CHODL: variants seen among roughly 807,000 people sequenced by gnomAD.
The protein encoded by CHODL is transmembrane protein MT75.
Under a neutral mutation model 34.5 loss-of-function variants are expected in CHODL, and 29 were observed. That is an observed-to-expected ratio of 0.84 (90% confidence interval 0.63 to 1.15). The LOEUF (loss-of-function observed/expected upper bound fraction) is 1.15, where lower values mean the gene tolerates loss of function less well. Ranked by LOEUF, CHODL falls within the 50% of genes most tolerant of loss-of-function variation. The pLI, the probability that CHODL is intolerant of heterozygous loss-of-function variation, is 0.00. For synonymous variants in CHODL, 125 were observed against 116.1 expected, an observed-to-expected ratio of 1.08 and a Z score of -0.49; for missense variants, 332 against 332.5, an observed-to-expected ratio of 1.00 and a Z score of 0.01.
intron 1 of CHODL, among the ~76,000 whole-genome samples, chr21:17,957,404 A>G (rs996314138): frequency 2.6e-5 from 4 of 152,026 alleles, no homozygotes; most frequent in African/African-American, 9.7e-5. Context: ...CTCTTCCTAC[A>G]TGTTTCCTGA....
chr21:18,229,346 G>T (rs1236522064), intron 2 of CHODL, among the ~76,000 whole-genome samples: 1 of 152,088 alleles, frequency 6.6e-6, no homozygotes, highest in East Asian at 1.9e-4. Flanking sequence ...TTATTCACAG[G>T]TCTGTGGGAT....
intron 2 of CHODL, among the ~76,000 whole-genome samples, chr21:18,195,033 T>C (rs1328467109): frequency 1.1e-4 from 5 of 44,704 alleles, no homozygotes; most frequent in African/African-American, 3.4e-4. Context: ...AATACATTAT[T>C]TATTTATTTA....
intron 2 of CHODL, among the ~76,000 whole-genome samples, chr21:18,082,957 C>T (rs2064960113): frequency 6.6e-6 from 1 of 152,000 alleles, no homozygotes; most frequent in African/African-American, 2.4e-5. Context: ...AAATTCAAGC[C>T]ACTGGCTGCA....
At chr21:18,263,315 A>G (rs1049251496) in intron 5 of CHODL, among the ~76,000 whole-genome samples, 1 of 152,198 alleles carries the variant, frequency 6.6e-6, no homozygotes. Flanking sequence ...TGATATTTGT[A>G]GGTTCATTTT....
At chr21:18,251,655 ATTTAT>A (rs1294403791) in intron 1 of CHODL, among the ~76,000 whole-genome samples, 1 of 113,954 alleles carries the variant, frequency 8.8e-6, no homozygotes, top group Non-Finnish European at 1.7e-5. Flanking sequence ...TATATAAAAT[ATTTAT>A]TTTATTTATT....
At chr21:18,155,789 C>G (rs2073027050) in intron 2 of CHODL, among the ~76,000 whole-genome samples, 1 of 152,188 alleles carries the variant, frequency 6.6e-6, no homozygotes, top group Admixed American at 6.5e-5. Flanking sequence ...CTTTAGACAG[C>G]AGGTCCTTCA....
intron 2 of CHODL, among the ~76,000 whole-genome samples, chr21:18,038,490 T>A (rs957158102): frequency 1.3e-5 from 2 of 151,786 alleles, no homozygotes; most frequent in Non-Finnish European, 3.0e-5. Flanking sequence ...TATGTCATGA[T>A]AGTTAAAGTC....
intron 2 of CHODL, chr21:18,114,799 A>C (rs1358077710): frequency 6.6e-6 from 1 of 152,266 alleles, no homozygotes; most frequent in Non-Finnish European, 1.5e-5. Context: ...GATTTCATGA[A>C]TTAAACCTGG....
chr21:17,933,980 T>C (rs1004567138), intron 1 of CHODL, among the ~76,000 whole-genome samples: 1 of 150,454 alleles, frequency 6.6e-6, no homozygotes, highest in East Asian at 2.0e-4. Context: ...GAGGTTGCAG[T>C]GAGCCGAGAT....
intron 1 of CHODL, among the ~76,000 whole-genome samples, chr21:18,007,419 G>C (rs1317044698): frequency 6.6e-6 from 1 of 152,194 alleles, no homozygotes; most frequent in Non-Finnish European, 1.5e-5. Flanking sequence ...ATAAGTACTT[G>C]GGATATAAAA....
chr21:18,250,470 TTTG>T (rs2074222134), intron 1 of CHODL, among the ~76,000 whole-genome samples: 1 of 151,800 alleles, frequency 6.6e-6, no homozygotes, highest in Admixed American at 6.6e-5. Context: ...TATAAATAAA[TTTG>T]TTTATTAATG....
In CHODL at chr21:18,151,056, C is replaced by A. The variant is rs13051412; in HGVS notation, c.-44-105453C>A. Reference sequence around the variant, plus strand: ...CGAGATCGCACCACTGCACTCCAGACTGGGCGACAGAGCGAGACTCTGTGT... The same window carrying A: ...CGAGATCGCACCACTGCACTCCAGAATGGGCGACAGAGCGAGACTCTGTGT... On this transcript the variant is annotated intron_variant, in intron 2 of 6. Transcript: ENST00000400127. 6.4e-4 allele frequency among the ~76,000 whole-genome samples: 90 copies of A among 140,106 alleles called. 1 individual carries two copies. The South Asian group carries it at 0.018, about 28-fold the overall frequency. 91.9% of individuals were successfully genotyped at this position (140,106 alleles called of 152,430 possible).
At chr21:17,989,707 A>G (rs1255132638) in intron 1 of CHODL, among the ~76,000 whole-genome samples, 1 of 152,138 alleles carries the variant, frequency 6.6e-6, no homozygotes, top group East Asian at 1.9e-4. Context: ...GCTAATGATG[A>G]GCCGACCATG....
chr21:17,999,731 A>G (rs930587335), intron 1 of CHODL, among the ~76,000 whole-genome samples: 26 of 152,110 alleles, frequency 1.7e-4, no homozygotes, highest in Non-Finnish European at 3.4e-4. Context: ...ATTACCTCCC[A>G]CTGGGTCCCT....
At chr21:17,929,626 G>C (rs758536717) in intron 1 of CHODL, among the ~76,000 whole-genome samples, 6 of 152,194 alleles carry the variant, frequency 3.9e-5, no homozygotes, top group African/African-American at 1.2e-4. Context: ...AACCCCTGGG[G>C]CCCCACTCCC....
chr21:18,156,879 G>T (rs60735545), intron 2 of CHODL, among the ~76,000 whole-genome samples: 45,984 of 151,992 alleles, frequency 0.3, 9,004 homozygotes, highest in African/African-American at 0.56. Context: ...CCTAGTGTCA[G>T]CTGATACTTG....
intron 1 of CHODL, among the ~76,000 whole-genome samples, chr21:17,941,701 C>T (rs2063365181): frequency 6.6e-6 from 1 of 152,110 alleles, no homozygotes; most frequent in South Asian, 2.1e-4. Flanking sequence ...TATTTTTCTA[C>T]TACATACCTG....
intron 2 of CHODL, among the ~76,000 whole-genome samples, chr21:18,235,808 A>C (rs1178673234): frequency 2.0e-5 from 3 of 152,168 alleles, no homozygotes; most frequent in African/African-American, 7.2e-5. Context: ...ACAGACAAAT[A>C]GTTCATATTT....
intron 2 of CHODL, among the ~76,000 whole-genome samples, chr21:18,096,387 C>T (rs934878493): frequency 9.2e-5 from 14 of 152,204 alleles, no homozygotes; most frequent in South Asian, 6.2e-4. Context: ...CCTGCGGGGC[C>T]GGGCAGAACA....
Sources: gnomAD v4.1 joint callset for allele counts (sites outside exome capture counted in the v4.1 genomes callset) on GRCh38, gnomAD v4.1.1 for gene constraint, MANE v1.5 for transcripts, NCBI Gene and HGNC (gene_info 2026-07-23, HGNC 2026-07-21) for gene names.